Variants in TLE1 observed in about 807,000 individuals in gnomAD.
TLE1 encodes TLE family member 1, transcriptional corepressor, also known as transducin-like enhancer protein 1.
A neutral mutation model predicts 89.8 loss-of-function variants in TLE1; 21 were observed. That is an observed-to-expected ratio of 0.23 (90% CI 0.17 to 0.34). TLE1 has a LOEUF of 0.34. TLE1 is among the 10% of genes least tolerant of loss of function. The pLI, the probability that TLE1 is intolerant of heterozygous loss-of-function variation, is 1.00. For synonymous variants in TLE1, 447 were observed against 407.6 expected (o/e 1.10, Z -1.16); for missense variants, 795 against 1,031.2 (o/e 0.77, Z 3.14).
At chr9:81,591,247 A>G (rs1272259281) in intron 15 of TLE1, among the ~76,000 whole-genome samples, 195 bp from the exon 16 acceptor site, 1 of 152,194 alleles carries the variant, frequency 6.6e-6, no homozygotes, top group African/African-American at 2.4e-5. Context: ...ACAAATTCAC[A>G]GGAGCTTAGG....
chr9:81,677,108 C>T (rs1478055326), intron 4 of TLE1, among the ~76,000 whole-genome samples: 4 of 152,038 alleles, frequency 2.6e-5, no homozygotes, highest in East Asian at 1.9e-4. Flanking sequence ...CGTGGTGGCA[C>T]GTGCCTGTAG....
rs542956275 is a variant in TLE1 at position 81,634,398 on chromosome 9, T to C, written c.373-97A>G. ...GGCGGCATCCAGGGGAAAACAGACA[T>C]GACAGGAGGGGAAGGCGGAAACAGA... On this transcript the variant is annotated intron_variant, in intron 6 of 19. Coordinates refer to ENST00000376499, the MANE Select transcript of TLE1 (RefSeq NM_005077.5). 1.2e-4 allele frequency: 121 copies of C among 1,017,762 alleles called. 1 individual carries two copies. The Middle Eastern group carries it at 2.1e-3, about 17-fold the overall frequency. The allele number at this position is 1,017,762 out of a possible 1,614,324, so 63.0% of individuals were successfully genotyped here.
chr9:81,678,152 T>C (rs558243086), intron 4 of TLE1, among the ~76,000 whole-genome samples: 3 of 152,306 alleles, frequency 2.0e-5, no homozygotes, highest in East Asian at 1.9e-4. Context: ...GGATAAACAA[T>C]TGTGCCCACC....
intron 6 of TLE1, among the ~76,000 whole-genome samples, chr9:81,635,109 T>C (rs1464014731): frequency 6.6e-6 from 1 of 152,180 alleles, no homozygotes; most frequent in East Asian, 1.9e-4. Context: ...GGAGCAACTC[T>C]TAAGGCTGCT....
intron 6 of TLE1, among the ~76,000 whole-genome samples, chr9:81,641,950 AG>A (rs879754493): frequency 6.6e-6 from 1 of 152,186 alleles, no homozygotes; most frequent in Admixed American, 6.5e-5. Flanking sequence ...TGAACCTGGG[AG>A]GCAGAGGTTG....
intron 8 of TLE1, among the ~76,000 whole-genome samples, chr9:81,625,105 G>A (rs1230539892): frequency 6.6e-6 from 1 of 152,118 alleles, no homozygotes; most frequent in Non-Finnish European, 1.5e-5. Context: ...TATATAGAAA[G>A]TACTTGAGAT....
intron 4 of TLE1, among the ~76,000 whole-genome samples, chr9:81,675,733 G>A (rs935487622): frequency 1.8e-5 from 2 of 111,858 alleles, no homozygotes; most frequent in Admixed American, 9.2e-5. Context: ...ACGGAGTCTC[G>A]CTCTGTCGCC....
rs201398319 is a variant in TLE1 at position 81,662,715 on chromosome 9, C to CA, written c.235-8680dup. Among the ~76,000 whole-genome samples the CA allele has an allele frequency of 7.3e-4, 111 of 151,448 alleles. 1 individual carries two copies. In the East Asian group the frequency reaches 8.6e-3, roughly 12 times the overall value. On this transcript the variant is annotated intron_variant, in intron 4 of 19. Coordinates refer to ENST00000376499, the MANE Select transcript of TLE1 (RefSeq NM_005077.5). ...CTCCGTATCAAAAAAAAAAAATTAG[C>CA]AAAGTGGCCAAGCACCGTAAATTGA...
At chr9:81,687,881 T>A (rs1834545586) in intron 1 of TLE1, among the ~76,000 whole-genome samples, 1 of 151,438 alleles carries the variant, frequency 6.6e-6, no homozygotes, top group Non-Finnish European at 1.5e-5. Context: ...CATTGACATG[T>A]AAATAGGCGA....
At chr9:81,589,183 GC>G (rs1829075062) in intron 16 of TLE1, among the ~76,000 whole-genome samples, 1 of 152,124 alleles carries the variant, frequency 6.6e-6, no homozygotes, top group Admixed American at 6.5e-5. Flanking sequence ...CCTTCAAACA[GC>G]TCTGGAAATC....
intron 8 of TLE1, among the ~76,000 whole-genome samples, chr9:81,622,812 T>C (rs1825440148): frequency 1.3e-5 from 2 of 152,080 alleles, no homozygotes; most frequent in Admixed American, 1.3e-4. Context: ...GCTGTAAAAC[T>C]GACTCAAAAC....
At chr9:81,652,568 A>G (rs1829691946) in intron 5 of TLE1, among the ~76,000 whole-genome samples, 1 of 152,206 alleles carries the variant, frequency 6.6e-6, no homozygotes, top group African/African-American at 2.4e-5. Flanking sequence ...GAATGATAAC[A>G]TAGGACCTTA....
chr9:81,654,206 A>G (rs920346508), intron 4 of TLE1, among the ~76,000 whole-genome samples, 170 bp from the exon 5 acceptor site: 2 of 152,206 alleles, frequency 1.3e-5, no homozygotes, highest in African/African-American at 4.8e-5. Context: ...AACAGTAGAT[A>G]TTAATCCCAC....
At chr9:81,613,906 C>A (rs74757174) in intron 11 of TLE1, among the ~76,000 whole-genome samples, 2 of 89,914 alleles carry the variant, frequency 2.2e-5, no homozygotes, top group Admixed American at 1.3e-4. Context: ...CTTTTCTTTT[C>A]TTTTTTTTTT....
intron 14 of TLE1, among the ~76,000 whole-genome samples, chr9:81,607,136 C>A: frequency 6.6e-6 from 1 of 151,820 alleles, no homozygotes; most frequent in Non-Finnish European, 1.5e-5. Flanking sequence ...AGGCCAATGG[C>A]GATTTTGACC....
intron 14 of TLE1, among the ~76,000 whole-genome samples, chr9:81,606,128 C>CT (rs1332862125): frequency 6.6e-6 from 1 of 152,148 alleles, no homozygotes; most frequent in Non-Finnish European, 1.5e-5. Flanking sequence ...ACAACAGATG[C>CT]TGGAGAGGAT....
intron 4 of TLE1, 86 bp downstream of exon 4, chr9:81,685,590 A>AG: frequency 7.2e-7 from 1 of 1,384,280 alleles, no homozygotes; most frequent in South Asian, 1.2e-5. Flanking sequence ...CCCCACCCCT[A>AG]GAGCCCACTA....
intron 8 of TLE1, among the ~76,000 whole-genome samples, chr9:81,631,960 GGT>G (rs1358919014): frequency 6.6e-6 from 1 of 152,138 alleles, no homozygotes; most frequent in Non-Finnish European, 1.5e-5. Flanking sequence ...AAATTAGCCA[GGT>G]GTGGTGGCAC....
rs182703413 is a variant in TLE1, at chr9:81,660,720, G to A, written c.235-6684C>T. 1.5e-3 allele frequency among the ~76,000 whole-genome samples: 230 copies of A among 151,420 alleles called. 1 individual carries two copies. Among genetic ancestry groups the A allele is most frequent in the African/African-American group, 5.1e-3 (210 of 41,324 alleles). Reference sequence around the variant, plus strand: ...CATGAGCCACCATGCCCAGCTACATGTATGTTTTAACTGAGCAGAAATACG... The same window carrying A: ...CATGAGCCACCATGCCCAGCTACATATATGTTTTAACTGAGCAGAAATACG... On this transcript the variant is annotated intron_variant, in intron 4 of 19. Transcript: ENST00000376499.
Sources: gnomAD v4.1 joint callset for allele counts (sites outside exome capture counted in the v4.1 genomes callset) on GRCh38, gnomAD v4.1.1 for gene constraint, MANE v1.5 for transcripts, NCBI Gene and HGNC (gene_info 2026-07-23, HGNC 2026-07-21) for gene names.